The following ZNF569 variants were observed in gnomAD, a reference collection of about 807,000 sequenced individuals.
The protein encoded by ZNF569 is DNA-binding protein.
In ZNF569, 38 loss-of-function variants were observed where a neutral mutation model predicts 56.3. The observed-to-expected ratio is 0.68, with a 90% CI of 0.52 to 0.88. ZNF569 has a LOEUF of 0.88. ZNF569 is among the 40% of genes least tolerant of loss of function. The pLI is 0.00. For missense variants in ZNF569, 666 were observed against 809.2 expected, an observed-to-expected ratio of 0.82 and a Z score of 2.15; for synonymous variants, 241 against 262.9, an observed-to-expected ratio of 0.92 and a Z score of 0.81.
chr19:37,426,666 G>A (rs1416252595), intron 3 of ZNF569, among the ~76,000 whole-genome samples: 1 of 152,146 alleles, frequency 6.6e-6, no homozygotes, highest in East Asian at 1.9e-4. Context: ...GATACCAAAG[G>A]CAGGAAAAAA....
intron 5 of ZNF569, among the ~76,000 whole-genome samples, chr19:37,421,002 G>A (rs1251971822): frequency 1.3e-5 from 2 of 152,150 alleles, no homozygotes; most frequent in Non-Finnish European, 2.9e-5. Context: ...TAGAGCTCCT[G>A]GGTGACCAAG....
intron 3 of ZNF569, chr19:37,431,464 A>G (rs2041223789): frequency 1.3e-5 from 2 of 152,338 alleles, no homozygotes; most frequent in Non-Finnish European, 2.9e-5. Flanking sequence ...TGTTGCCTTG[A>G]GAGGAAGAAC....
At chr19:37,423,978 C>A (rs2041081109) in intron 5 of ZNF569, among the ~76,000 whole-genome samples, 1 of 151,972 alleles carries the variant, frequency 6.6e-6, no homozygotes, top group Admixed American at 6.6e-5. Context: ...TGTATATGGA[C>A]ATATATATGT....
chr19:37,426,441 T>A, intron 3 of ZNF569, 63 bp from the exon 4 acceptor site: 1 of 1,486,410 alleles, frequency 6.7e-7, no homozygotes. Flanking sequence ...AAACAAAATA[T>A]ATTGAACCTT....
intron 2 of ZNF569, among the ~76,000 whole-genome samples, chr19:37,462,585 TG>T (rs1471408743): frequency 3.9e-5 from 6 of 152,320 alleles, no homozygotes; most frequent in African/African-American, 1.4e-4. Flanking sequence ...CCTCATTTTA[TG>T]TGGCACCCGA....
intron 2 of ZNF569, among the ~76,000 whole-genome samples, chr19:37,448,249 A>C (rs2041531014): frequency 6.6e-6 from 1 of 152,208 alleles, no homozygotes. Flanking sequence ...ATTCAATTTC[A>C]TTAATAGATA....
intron 5 of ZNF569, among the ~76,000 whole-genome samples, chr19:37,422,749 A>G (rs897520858): frequency 5.3e-5 from 8 of 152,218 alleles, no homozygotes; most frequent in Non-Finnish European, 1.2e-4. Flanking sequence ...GAAAACCACC[A>G]TTGAAATGAA....
intron 2 of ZNF569, among the ~76,000 whole-genome samples, chr19:37,450,771 T>C (rs775401097): frequency 3.3e-5 from 5 of 152,210 alleles, no homozygotes; most frequent in Non-Finnish European, 7.3e-5. Flanking sequence ...TCCATATGAA[T>C]TTACCTCTCA....
At chr19:37,446,325 G>A (rs986817582) in intron 2 of ZNF569, among the ~76,000 whole-genome samples, 3 of 152,088 alleles carry the variant, frequency 2.0e-5, no homozygotes, top group South Asian at 2.1e-4. Flanking sequence ...CAAGGTGGGC[G>A]GATCACGAGG....
intron 5 of ZNF569, among the ~76,000 whole-genome samples, chr19:37,425,196 G>A (rs1403778163): frequency 6.6e-6 from 1 of 151,994 alleles, no homozygotes; most frequent in East Asian, 1.9e-4. Context: ...CCGTTGCCTA[G>A]GCTAGAGTGC....
At chr19:37,414,771 A>G (rs2040900663) in intron 5 of ZNF569, among the ~76,000 whole-genome samples, 1 of 152,206 alleles carries the variant, frequency 6.6e-6, no homozygotes, top group Non-Finnish European at 1.5e-5. Flanking sequence ...GCTAAAAAGT[A>G]TAAGATCATT....
intron 1 of ZNF569, among the ~76,000 whole-genome samples, chr19:37,466,177 C>G (rs540548452): frequency 2.6e-5 from 4 of 152,148 alleles, no homozygotes; most frequent in African/African-American, 9.6e-5. Flanking sequence ...TCGAGCTTTT[C>G]TGTATTTTTC....
upstream of ZNF569, chr19:37,467,524 C>T (rs900251295): frequency 7.0e-5 from 20 of 285,526 alleles, no homozygotes; most frequent in Middle Eastern, 1.1e-3. Context: ...TTCTTACAGT[C>T]GGCTGGAGCT....
chr19:37,463,331 G>A (rs532176204), intron 2 of ZNF569, among the ~76,000 whole-genome samples: 2 of 152,252 alleles, frequency 1.3e-5, no homozygotes, highest in African/African-American at 4.8e-5. Flanking sequence ...CTATCACCTA[G>A]TGACATCATA....
intron 2 of ZNF569, among the ~76,000 whole-genome samples, chr19:37,445,488 T>G (rs1431854780): frequency 6.6e-6 from 1 of 152,098 alleles, no homozygotes; most frequent in East Asian, 1.9e-4. Context: ...GCATCCAAAT[T>G]GGTAAAGAGG....
chr19:37,420,115 T>G (rs567679909), intron 5 of ZNF569, among the ~76,000 whole-genome samples: 128 of 151,782 alleles, frequency 8.4e-4, no homozygotes, highest in African/African-American at 3.1e-3. Flanking sequence ...GCCTCCTGAG[T>G]AGCTGGGATT....
In ZNF569 at chr19:37,444,961, A is replaced by G; in HGVS notation, c.-40T>C. 1 of 1,602,084 alleles carries G rather than the reference A, an allele frequency of 6.2e-7. No individual in the cohort carries two copies. ...GGGAAGGGATGGGGCCTGCAGAAGT[A>G]GAGCTGGGGAAGAGAATAAAAGTCA... On this transcript the variant is annotated 5_prime_UTR_variant, in exon 3 of 6. Transcript: ENST00000316950.
intron 4 of ZNF569, 66 bp downstream of exon 4, chr19:37,426,186 A>G: frequency 6.5e-7 from 1 of 1,530,778 alleles, no homozygotes; most frequent in East Asian, 2.3e-5. Flanking sequence ...GTATTTCAGA[A>G]ACACTGGGAG....
intron 3 of ZNF569, among the ~76,000 whole-genome samples, chr19:37,443,613 G>C (rs2041444869): frequency 6.6e-6 from 1 of 152,098 alleles, no homozygotes; most frequent in Non-Finnish European, 1.5e-5. Context: ...TTACAGTGTG[G>C]CTCAATCAGC....
Sources: allele counts gnomAD v4.1 joint callset (sites outside exome capture counted in the v4.1 genomes callset), GRCh38; gene constraint gnomAD v4.1.1; transcripts MANE v1.5; gene names NCBI Gene and HGNC (gene_info 2026-07-23, HGNC 2026-07-21).